The following ST7L variants were observed in gnomAD, a reference collection of about 807,000 sequenced individuals.
ST7L encodes suppression of tumorigenicity 7 like.
Under a neutral mutation model 72.5 loss-of-function variants are expected in ST7L, and 57 were observed. The observed-to-expected ratio is 0.79, with a 90% CI of 0.64 to 0.98. The LOEUF (loss-of-function observed/expected upper bound fraction) is 0.98, where lower values mean the gene tolerates loss of function less well. ST7L is among the 50% of genes least tolerant of loss of function. The pLI, the probability that ST7L is intolerant of heterozygous loss-of-function variation, is 0.00. For synonymous variants in ST7L, 221 were observed against 240.9 expected, an observed-to-expected ratio of 0.92 and a Z score of 0.77; for missense variants, 576 against 672.2, an observed-to-expected ratio of 0.86 and a Z score of 1.58.
intron 14 of ST7L, among the ~76,000 whole-genome samples, chr1:112,531,179 C>A (rs1654326119): frequency 6.6e-6 from 1 of 152,096 alleles, no homozygotes; most frequent in Admixed American, 6.5e-5. Context: ...ACCAGGATGG[C>A]TATTAGTTCT....
the ST7L span, chr1:112,517,942 A>G: frequency 6.4e-6 from 1 of 155,306 alleles, no homozygotes. Context: ...AGTAGGTGGG[A>G]AAGCACATGA....
At chr1:112,519,872 CTTT>C (rs71081244), downstream of ST7L, among the ~76,000 whole-genome samples, 16 of 115,636 alleles carry the variant, frequency 1.4e-4, no homozygotes, top group South Asian at 2.7e-4. Flanking sequence ...GCCCATGCTT[CTTT>C]TTTTTTTTTT....
At chr1:112,568,863 T>TATAA (rs562909633) in intron 11 of ST7L, among the ~76,000 whole-genome samples, 243 of 83,284 alleles carry the variant, frequency 2.9e-3, no homozygotes, top group African/African-American at 9.0e-3. Flanking sequence ...TAAATATAAA[T>TATAA]ATATATATAT....
At chr1:112,579,394 A>C (rs1432326272) in intron 9 of ST7L, among the ~76,000 whole-genome samples, 1 of 151,098 alleles carries the variant, frequency 6.6e-6, no homozygotes, top group Non-Finnish European at 1.5e-5. Flanking sequence ...AAAAAAAAAA[A>C]AAAAAACAAT....
intron 12 of ST7L, among the ~76,000 whole-genome samples, chr1:112,553,898 T>A (rs1209247506): frequency 6.6e-6 from 1 of 152,192 alleles, no homozygotes; most frequent in African/African-American, 2.4e-5. Context: ...AGACAAGGTC[T>A]TACTCTGTCA....
chr1:112,619,249 T>G (rs555817570), upstream of ST7L: 2 of 795,824 alleles, frequency 2.5e-6, no homozygotes, highest in Admixed American at 2.6e-5. Context: ...ACCGAGAAGA[T>G]TTCGAAGGTG....
intron 6 of ST7L, among the ~76,000 whole-genome samples, chr1:112,590,013 T>C (rs1017262751): frequency 1.3e-5 from 2 of 152,232 alleles, no homozygotes; most frequent in Non-Finnish European, 2.9e-5. Context: ...CTTCCTGTTA[T>C]CCCTTGCCCC....
intron 14 of ST7L, among the ~76,000 whole-genome samples, chr1:112,530,819 A>G (rs1437249793): frequency 6.6e-6 from 1 of 152,212 alleles, no homozygotes; most frequent in Non-Finnish European, 1.5e-5. Flanking sequence ...ATATTTTTTC[A>G]GTTACTTAAA....
chr1:112,584,976 C>T (rs1230687991), intron 6 of ST7L, among the ~76,000 whole-genome samples: 1 of 152,136 alleles, frequency 6.6e-6, no homozygotes, highest in Non-Finnish European at 1.5e-5. Flanking sequence ...CTGTCCCATC[C>T]ACACATGGAC....
At chr1:112,599,073 A>AAAAAAAAAAAAAAATATATAT (rs1190968815) in intron 4 of ST7L, among the ~76,000 whole-genome samples, 3 of 56,994 alleles carry the variant, frequency 5.3e-5, no homozygotes, top group Non-Finnish European at 6.2e-5. Context: ...AAAAAAAAAA[A>AAAAAAAAAAAAAAATATATAT]ATATATATAT....
At chr1:112,568,323 T>C (rs922109883) in intron 11 of ST7L, among the ~76,000 whole-genome samples, 6 of 150,288 alleles carry the variant, frequency 4.0e-5, no homozygotes, top group Non-Finnish European at 8.8e-5. Flanking sequence ...TGGTCTACTG[T>C]AATAATATTT....
intron 11 of ST7L, chr1:112,570,869 G>A: frequency 2.3e-6 from 1 of 430,004 alleles, no homozygotes; most frequent in Admixed American, 2.6e-5. Context: ...TTCTCCAAAA[G>A]TTTTGGCTCA....
At chr1:112,553,789 G>C (rs1658645460) in intron 12 of ST7L, among the ~76,000 whole-genome samples, 1 of 152,162 alleles carries the variant, frequency 6.6e-6, no homozygotes, top group Non-Finnish European at 1.5e-5. Flanking sequence ...GATATTGAAA[G>C]GAATGGAGAA....
intron 4 of ST7L, among the ~76,000 whole-genome samples, chr1:112,599,059 C>A (rs1348039118): frequency 1.5e-3 from 8 of 5,198 alleles, no homozygotes; most frequent in East Asian, 0.013. Flanking sequence ...GACTCAGCCT[C>A]AAAAAAAAAA....
At chr1:112,561,908 G>A (rs1660218382) in intron 11 of ST7L, among the ~76,000 whole-genome samples, 1 of 151,244 alleles carries the variant, frequency 6.6e-6, no homozygotes, top group Admixed American at 6.6e-5. Flanking sequence ...AGCAAAACTT[G>A]TAAAAACAGT....
At chr1:112,575,644 G>A (rs774651357) in intron 11 of ST7L, among the ~76,000 whole-genome samples, 1 of 152,146 alleles carries the variant, frequency 6.6e-6, no homozygotes, top group Non-Finnish European at 1.5e-5. Flanking sequence ...GGGGGATGGT[G>A]TAAGATTTCA....
At chr1:112,531,012 C>T (rs1654303164) in intron 14 of ST7L, among the ~76,000 whole-genome samples, 2 of 152,186 alleles carry the variant, frequency 1.3e-5, no homozygotes, top group African/African-American at 4.8e-5. Flanking sequence ...GAATCAGTGA[C>T]TGCCAGCTGC....
Position 112,582,404 on chromosome 1 carries a change from T to C in ST7L, c.925A>G (p.Ile309Val). Residue 309 changes from isoleucine to valine, a missense_variant, in exon 8 of 15, where the codon ATA (isoleucine) becomes GTA (valine). Transcript: ENST00000358039. ...CTCATTATTTTTACTGCTTCTCTTA[T>C]TCTTCCTAATTTTCTTGCACACATT... is the stretch of plus-strand genomic sequence containing the variant. Reference protein sequence around the residue: ...LAMCARKLGRIREAVKIMRDL... With the variant: ...LAMCARKLGRVREAVKIMRDL... The C allele has an allele frequency of 6.2e-7, 1 of 1,605,804 alleles. No individual in the cohort carries two copies. Among genetic ancestry groups the C allele is most frequent in the Non-Finnish European group, 8.5e-7 (1 of 1,173,838 alleles).
intron 3 of ST7L, among the ~76,000 whole-genome samples, chr1:112,603,673 ATTGACTGTGTGGC>A (rs1420067905): frequency 2.0e-5 from 3 of 152,174 alleles, no homozygotes; most frequent in African/African-American, 7.2e-5. Context: ...ACAAAATACC[ATTGACTGTGTGGC>A]TTAACAGAAA....
Sources: gnomAD v4.1 joint callset for allele counts (sites outside exome capture counted in the v4.1 genomes callset) on GRCh38, gnomAD v4.1.1 for gene constraint, MANE v1.5 for transcripts, NCBI Gene and HGNC (gene_info 2026-07-23, HGNC 2026-07-21) for gene names.